The following NARS1 variants were observed in gnomAD, a reference collection of about 807,000 sequenced individuals.
The protein encoded by NARS1 is asparagine--tRNA ligase, cytoplasmic.
NARS1 carries 65 observed loss-of-function variants against 79.2 expected under a neutral mutation model. The observed-to-expected ratio is 0.82, with a 90% CI of 0.67 to 1.01. NARS1 has a LOEUF of 1.01. NARS1 is among the 50% of genes least tolerant of loss of function. The pLI is 0.00. For synonymous variants in NARS1, 229 were observed against 238.8 expected (o/e 0.96, Z 0.38); for missense variants, 649 against 673.8 (o/e 0.96, Z 0.41).
intron 4 of NARS1, among the ~76,000 whole-genome samples, chr18:57,614,288 G>A (rs1438314045): frequency 6.6e-6 from 1 of 151,974 alleles, no homozygotes; most frequent in Non-Finnish European, 1.5e-5. Flanking sequence ...ATCACCTGAG[G>A]TCAGGAGTTT....
At chr18:57,607,061 A>G in intron 9 of NARS1, 73 bp downstream of exon 9, 1 of 1,426,736 alleles carries the variant, frequency 7.0e-7, no homozygotes, top group Non-Finnish European at 9.5e-7. Flanking sequence ...CATAAACATA[A>G]TTTACCTACA....
intron 6 of NARS1, among the ~76,000 whole-genome samples, chr18:57,610,701 G>GT (rs550492553): frequency 6.7e-6 from 1 of 149,588 alleles, no homozygotes; most frequent in Admixed American, 6.7e-5. Context: ...ATCCACCAGG[G>GT]TTTTCCCAAG....
chr18:57,617,317 A>G (rs1349630702), intron 2 of NARS1, among the ~76,000 whole-genome samples: 2 of 152,074 alleles, frequency 1.3e-5, no homozygotes, highest in Non-Finnish European at 2.9e-5. Context: ...TCACACCTGT[A>G]ATCCCAGCAC....
Position 57,607,562 on chromosome 18 carries a change from A to C in NARS1, c.683T>G (p.Val228Gly). 3 of 1,614,122 alleles carry C rather than the reference A, an allele frequency of 1.9e-6. No individual in the cohort carries two copies. The highest frequency in any genetic ancestry group is 2.5e-6 in the Non-Finnish European group (3 of 1,180,034). ...CATCATGTGTCTGTTGTTGAGCTGG[A>C]CATCAACGTCAGACTCCTCATTGAT... ...NLINEESDVD[V>G]QLNNRHMMIR... Residue 228 changes from valine to glycine, a missense_variant, in exon 8 of 14, where the codon GTC becomes GGC. Transcript: ENST00000256854.
intron 2 of NARS1, among the ~76,000 whole-genome samples, chr18:57,617,006 G>A (rs1306715699): frequency 7.3e-6 from 1 of 137,856 alleles, no homozygotes; most frequent in Non-Finnish European, 1.6e-5. Flanking sequence ...CATTTAATCT[G>A]AAAAACTCCC....
intron 7 of NARS1, among the ~76,000 whole-genome samples, chr18:57,608,782 G>C (rs764500593): frequency 3.9e-5 from 6 of 152,158 alleles, no homozygotes; most frequent in Non-Finnish European, 7.3e-5. Flanking sequence ...AGTATTTTCT[G>C]GGTGTATCTG....
Position 57,607,668 on chromosome 18 carries a change from G to A in NARS1, c.580-3C>T, listed in dbSNP as rs979285290. On this transcript the variant is annotated splice_polypyrimidine_tract_variant and splice_region_variant and intron_variant, in intron 7 of 13. Transcript: ENST00000256854. ...CTCAGCTCATGGCCACCTGGAGCCT[G>A]CATTTTTTAAAAGTGGGGTCCAGAG... is the stretch of plus-strand genomic sequence containing the variant. 3.1e-6 allele frequency: 5 copies of A among 1,600,994 alleles called. No homozygotes were observed. The African/African-American group carries it at 6.7e-5, about 22-fold the overall frequency.
chr18:57,614,294 AGTTTG>A (rs1334732650), intron 4 of NARS1, among the ~76,000 whole-genome samples: 1 of 152,176 alleles, frequency 6.6e-6, no homozygotes, highest in African/African-American at 2.4e-5. Context: ...TGAGGTCAGG[AGTTTG>A]AGACTAGTCT....
intron 12 of NARS1, 147 bp downstream of exon 12, chr18:57,602,665 G>A (rs955159697): frequency 8.3e-7 from 1 of 1,205,132 alleles, no homozygotes; most frequent in Non-Finnish European, 1.1e-6. Flanking sequence ...CTTCAATCAG[G>A]GGAGGGTGAA....
chr18:57,602,591 G>A lies in NARS1; in HGVS notation c.1384-105C>T, dbSNP rs73961925. 6,234 of 1,344,560 alleles carry A rather than the reference G, an allele frequency of 4.6e-3. 228 individuals are homozygous for A. The African/African-American group carries it at 0.082, about 18-fold the overall frequency. 83.3% of individuals were successfully genotyped at this position (1,344,560 alleles called of 1,614,324 possible). Reference sequence around the variant, plus strand: ...TTACAATTAAGCTCCAAGGGCTAAAGGAGCCACTATGATCATGTAATATTC... The same window carrying A: ...TTACAATTAAGCTCCAAGGGCTAAAAGAGCCACTATGATCATGTAATATTC... On this transcript the variant is annotated intron_variant, in intron 12 of 13. Transcript: ENST00000256854.
chr18:57,612,050 C>T (rs1320587389), intron 5 of NARS1, among the ~76,000 whole-genome samples: 1 of 152,178 alleles, frequency 6.6e-6, no homozygotes, highest in Non-Finnish European at 1.5e-5. Flanking sequence ...AGCCACTGCA[C>T]CCAGCCATGA....
chr18:57,617,719 AG>A (rs1406231123), intron 2 of NARS1, among the ~76,000 whole-genome samples: 1 of 150,930 alleles, frequency 6.6e-6, no homozygotes, highest in Non-Finnish European at 1.5e-5. Context: ...GTTCGAGACC[AG>A]CCTGGCCAAT....
rs1907994937 is a variant in NARS1, at chr18:57,615,735, T to C, written c.253-5A>G. On this transcript the variant is annotated splice_region_variant and splice_polypyrimidine_tract_variant and intron_variant, in intron 3 of 13. Coordinates refer to ENST00000256854, the MANE Select transcript of NARS1 (RefSeq NM_004539.4). ...TCTTCGTAAACTATCTTCTGCCTAA[T>C]TTTAATGATGAAGCAGTTTGTTAAC... 6.2e-7 allele frequency: 1 copy of C among 1,610,932 alleles called. No homozygotes were observed. The highest frequency in any genetic ancestry group is 8.5e-7 in the Non-Finnish European group (1 of 1,178,532).
chr18:57,607,891 G>A (rs317828), intron 7 of NARS1, among the ~76,000 whole-genome samples: 38,111 of 145,286 alleles, frequency 0.26, 5,674 homozygotes, highest in East Asian at 0.54. Context: ...TTTTTGAGAC[G>A]GAGTCTCACT....
chr18:57,608,455 A>AAC (rs1235682748), intron 7 of NARS1, among the ~76,000 whole-genome samples: 2 of 151,256 alleles, frequency 1.3e-5, no homozygotes, highest in African/African-American at 2.4e-5. Flanking sequence ...AAAAAAAAAA[A>AAC]AAACAATAAA....
chr18:57,605,740 C>CTG, intron 11 of NARS1, 117 bp downstream of exon 11: 10 of 691,398 alleles, frequency 1.4e-5, no homozygotes, highest in Non-Finnish European at 2.0e-5. Flanking sequence ...GCAGGTCCTG[C>CTG]TGTTACCATT....
chr18:57,621,563 T>TTCCC, intron 1 of NARS1, 145 bp downstream of exon 1: 3 of 300,798 alleles, frequency 1.0e-5, no homozygotes, highest in Admixed American at 7.4e-5. Flanking sequence ...GCCAGCACCC[T>TTCCC]CCCTCCCTCC....
intron 7 of NARS1, among the ~76,000 whole-genome samples, chr18:57,608,013 G>T (rs545425692): frequency 1.3e-5 from 2 of 151,612 alleles, no homozygotes; most frequent in South Asian, 4.2e-4. Context: ...GATTACAGGC[G>T]CCCACCACCA....
chr18:57,620,544 T>C (rs2122463268), intron 2 of NARS1, 25 bp downstream of exon 2: 3 of 1,505,874 alleles, frequency 2.0e-6, no homozygotes, highest in Non-Finnish European at 1.8e-6. Flanking sequence ...TGCAGTCTCA[T>C]TTTCCTAATG....
Sources: allele counts gnomAD v4.1 joint callset (sites outside exome capture counted in the v4.1 genomes callset), GRCh38; gene constraint gnomAD v4.1.1; transcripts MANE v1.5; gene names NCBI Gene and HGNC (gene_info 2026-07-23, HGNC 2026-07-21).